The following DLGAP2 variants were observed in gnomAD, a reference collection of about 807,000 sequenced individuals.
DLGAP2 encodes the protein DLG associated protein 2.
A neutral mutation model predicts 100.3 loss-of-function variants in DLGAP2; 26 were observed. The observed-to-expected ratio is 0.26, with a 90% CI of 0.19 to 0.36. The LOEUF (loss-of-function observed/expected upper bound fraction) is 0.36. Among genes scored for constraint, DLGAP2 ranks in the 10% least tolerant of loss-of-function variants. The pLI, the probability that DLGAP2 is intolerant of heterozygous loss-of-function variation, is 1.00. For synonymous variants in DLGAP2, 886 were observed against 630.1 expected, an observed-to-expected ratio of 1.41 and a Z score of -6.08; for missense variants, 1,858 against 1,453.2, an observed-to-expected ratio of 1.28 and a Z score of -4.53.
At chr8:1,161,833 T>A (rs1796896124) in intron 2 of DLGAP2, among the ~76,000 whole-genome samples, 1 of 152,202 alleles carries the variant, frequency 6.6e-6, no homozygotes, top group East Asian at 1.9e-4. Flanking sequence ...TTGGTGCCTC[T>A]TGGTGGCTTC....
chr8:774,002 A>G (rs1259018560), intron 1 of DLGAP2, among the ~76,000 whole-genome samples: 1 of 152,222 alleles, frequency 6.6e-6, no homozygotes, highest in Non-Finnish European at 1.5e-5. Context: ...CATCCTCTCC[A>G]GCACCTGTTG....
At chr8:1,416,691 G>T (rs1357910843) in intron 3 of DLGAP2, among the ~76,000 whole-genome samples, 1 of 152,070 alleles carries the variant, frequency 6.6e-6, no homozygotes, top group Non-Finnish European at 1.5e-5. Context: ...TGTCTATCAG[G>T]TCACTTAATA....
chr8:1,180,072 A>G (rs976985276), intron 2 of DLGAP2, among the ~76,000 whole-genome samples: 1 of 152,252 alleles, frequency 6.6e-6, no homozygotes, highest in African/African-American at 2.4e-5. Context: ...TTGAATGTTC[A>G]TGTTGTATCA....
intron 2 of DLGAP2, among the ~76,000 whole-genome samples, chr8:1,074,996 C>G (rs146516733): frequency 6.7e-6 from 1 of 150,164 alleles, no homozygotes; most frequent in Non-Finnish European, 1.5e-5. Context: ...GTCTCACCAA[C>G]AAACAGTGCA....
At chr8:1,010,975 C>T (rs763564269) in intron 2 of DLGAP2, among the ~76,000 whole-genome samples, 25 of 144,530 alleles carry the variant, frequency 1.7e-4, no homozygotes, top group Non-Finnish European at 2.5e-4. Context: ...CCTCAGTCTG[C>T]ATGGTGAGCC....
chr8:1,682,637 G>C (rs187187023), intron 12 of DLGAP2, among the ~76,000 whole-genome samples: 2 of 151,512 alleles, frequency 1.3e-5, no homozygotes, highest in Non-Finnish European at 3.0e-5. Context: ...ACAGCACCTG[G>C]CTAATTTTGT....
chr8:1,594,594 G>A (rs74583156), intron 6 of DLGAP2, among the ~76,000 whole-genome samples: 2,980 of 151,902 alleles, frequency 0.02, 88 homozygotes, highest in African/African-American at 0.067. Context: ...CAGAACTTAC[G>A]GGAAATCACC....
intron 3 of DLGAP2, among the ~76,000 whole-genome samples, chr8:1,464,283 CAA>C (rs1798550632): frequency 3.1e-4 from 13 of 41,458 alleles, no homozygotes; most frequent in Admixed American, 2.9e-4. Flanking sequence ...CCTTCCAGGA[CAA>C]CGCCCTTCCA....
chr8:1,092,850 CGGGGCCTCATAACT>C (rs1377704257), intron 2 of DLGAP2, among the ~76,000 whole-genome samples: 1 of 152,102 alleles, frequency 6.6e-6, no homozygotes, highest in Non-Finnish European at 1.5e-5. Context: ...GAGTGTGGAC[CGGGGCCTCATAACT>C]GGGTTCAGCC....
At chr8:918,640 G>T (rs12544376) in intron 2 of DLGAP2, among the ~76,000 whole-genome samples, 18,141 of 152,160 alleles carry the variant, frequency 0.12, 1,223 homozygotes, top group East Asian at 0.28. Flanking sequence ...GATAAAATAC[G>T]AGTTGCTGTG....
intron 1 of DLGAP2, among the ~76,000 whole-genome samples, chr8:742,386 T>C (rs1585812989): frequency 1.3e-5 from 2 of 152,248 alleles, no homozygotes; most frequent in Non-Finnish European, 2.9e-5. Context: ...TTTCATACTC[T>C]GTACAAAAGA....
intron 3 of DLGAP2, among the ~76,000 whole-genome samples, chr8:1,262,159 C>A (rs539415993): frequency 6.6e-6 from 1 of 152,192 alleles, no homozygotes; most frequent in South Asian, 2.1e-4. Flanking sequence ...GTCAAACAAA[C>A]GCAACCAGGG....
chr8:1,211,870 G>A (rs147833158), intron 2 of DLGAP2, among the ~76,000 whole-genome samples: 5 of 152,294 alleles, frequency 3.3e-5, no homozygotes, highest in Admixed American at 1.3e-4. Flanking sequence ...GCGAGACTTC[G>A]TCTCAAAAAA....
At chr8:1,531,976 T>C (rs1171378132) in intron 4 of DLGAP2, among the ~76,000 whole-genome samples, 1 of 152,158 alleles carries the variant, frequency 6.6e-6, no homozygotes, top group African/African-American at 2.4e-5. Context: ...TAGGGAGACA[T>C]GAGACATTAA....
intron 2 of DLGAP2, among the ~76,000 whole-genome samples, chr8:1,056,186 G>C (rs1302931440): frequency 6.6e-6 from 1 of 152,210 alleles, no homozygotes; most frequent in African/African-American, 2.4e-5. Context: ...TTTGTTCCTG[G>C]TTATAACTTT....
At chr8:1,257,021 G>A (rs1384667217) in intron 2 of DLGAP2, among the ~76,000 whole-genome samples, 1 of 152,116 alleles carries the variant, frequency 6.6e-6, no homozygotes, top group Admixed American at 6.5e-5. Context: ...TTCAGGTCCT[G>A]CCCTGCGGCC....
chr8:1,043,599 A>G (rs1802435533), intron 2 of DLGAP2, among the ~76,000 whole-genome samples: 1 of 151,900 alleles, frequency 6.6e-6, no homozygotes, highest in African/African-American at 2.4e-5. Context: ...GATAACGAAA[A>G]CTAGGAGGAC....
chr8:1,641,725 G>A (rs765893143), intron 8 of DLGAP2, among the ~76,000 whole-genome samples: 1 of 152,054 alleles, frequency 6.6e-6, no homozygotes, highest in African/African-American at 2.4e-5. Flanking sequence ...ATTCCTAATT[G>A]GTCATTTAAC....
intron 1 of DLGAP2, among the ~76,000 whole-genome samples, chr8:792,947 A>G (rs1207781333): frequency 3.9e-5 from 6 of 152,094 alleles, no homozygotes; most frequent in Non-Finnish European, 8.8e-5. Context: ...AGCACCTTTT[A>G]CCTTAACAAC....
Sources: allele counts gnomAD v4.1 joint callset (sites outside exome capture counted in the v4.1 genomes callset), GRCh38; gene constraint gnomAD v4.1.1; transcripts MANE v1.5; gene names NCBI Gene and HGNC (gene_info 2026-07-23, HGNC 2026-07-21).